USH2A: variants seen among roughly 807,000 people sequenced by gnomAD.
The protein encoded by USH2A is usherin, also known as Usher syndrome 2A (autosomal recessive, mild).
In USH2A, 443 loss-of-function variants were observed where a neutral mutation model predicts 538.9. The observed-to-expected ratio is 0.82, with a 90% CI of 0.76 to 0.89. The LOEUF (loss-of-function observed/expected upper bound fraction) is 0.89. Among genes scored for constraint, USH2A ranks in the 40% least tolerant of loss-of-function variants. USH2A has a pLI of 0.00. For missense variants in USH2A, 6,633 were observed against 6,324.8 expected (o/e 1.05, Z -1.65); for synonymous variants, 2,413 against 2,273.5 (o/e 1.06, Z -1.75).
At chr1:215,647,820 C>T (rs1316668200) in intron 66 of USH2A, 90 bp from the exon 67 acceptor site, 41 of 1,483,662 alleles carry the variant, frequency 2.8e-5, no homozygotes, top group Non-Finnish European at 3.6e-5. Flanking sequence ...TGTGAGGAGA[C>T]ATTTTGTTTT....
chr1:216,048,494 G>T lies in USH2A; in HGVS notation c.6163+40C>A, dbSNP rs374532580. ...GCTCTTCTCCTATTTTATTATTCATGACTGAAATGTGGAAGTCAAGACCTT... is the reference window on the plus strand; with the variant it reads ...GCTCTTCTCCTATTTTATTATTCATTACTGAAATGTGGAAGTCAAGACCTT... On this transcript the variant is annotated intron_variant, in intron 31 of 71. Transcript: ENST00000307340. 8 of 1,571,878 alleles carry T rather than the reference G, an allele frequency of 5.1e-6. No individual in the cohort carries two copies. In the African/African-American group the frequency reaches 9.4e-5, roughly 19 times the overall value.
At chr1:215,875,905 TATAA>T (rs1288022392) in intron 43 of USH2A, among the ~76,000 whole-genome samples, 8 of 143,512 alleles carry the variant, frequency 5.6e-5, no homozygotes, top group Admixed American at 1.5e-4. Context: ...ATAATCAATA[TATAA>T]ATATATAATA....
At chr1:215,663,278 T>C (rs995134957) in intron 64 of USH2A, among the ~76,000 whole-genome samples, 1 of 152,212 alleles carries the variant, frequency 6.6e-6, no homozygotes, top group African/African-American at 2.4e-5. Context: ...GATGGGGGCA[T>C]GGACCTACTA....
At chr1:216,382,738 A>G (rs960134117) in intron 3 of USH2A, among the ~76,000 whole-genome samples, 1 of 152,132 alleles carries the variant, frequency 6.6e-6, no homozygotes, top group Non-Finnish European at 1.5e-5. Flanking sequence ...AGACCCAAAT[A>G]AAGAGTCTGA....
intron 34 of USH2A, 39 bp from the exon 35 acceptor site, chr1:215,993,206 C>T (rs1668047512): frequency 1.2e-6 from 2 of 1,613,602 alleles, no homozygotes; most frequent in Admixed American, 3.3e-5. Flanking sequence ...CACTCTTGGT[C>T]CCAAAAGTTT....
intron 11 of USH2A, among the ~76,000 whole-genome samples, chr1:216,265,244 C>T (rs753765436): frequency 8.1e-5 from 12 of 148,114 alleles, no homozygotes; most frequent in East Asian, 2.0e-4. Flanking sequence ...AACAAGTACA[C>T]GAAAAAATGC....
chr1:215,925,412 A>T (rs1456348272), intron 38 of USH2A, among the ~76,000 whole-genome samples: 1 of 152,200 alleles, frequency 6.6e-6, no homozygotes, highest in Admixed American at 6.5e-5. Context: ...AAATAGCAGC[A>T]CATTTGGAAG....
chr1:215,720,947 G>A (rs918719019), intron 61 of USH2A, among the ~76,000 whole-genome samples: 2 of 152,104 alleles, frequency 1.3e-5, no homozygotes, highest in African/African-American at 2.4e-5. Context: ...TTCTTTTCAT[G>A]CCATGATCCT....
At chr1:215,981,683 C>T (rs771798064) in intron 35 of USH2A, among the ~76,000 whole-genome samples, 2 of 152,108 alleles carry the variant, frequency 1.3e-5, no homozygotes, top group Admixed American at 6.5e-5. Flanking sequence ...AAATGAGAAT[C>T]CATTTGAGGA....
intron 60 of USH2A, among the ~76,000 whole-genome samples, chr1:215,731,242 T>G (rs1659986343): frequency 6.6e-6 from 1 of 152,170 alleles, no homozygotes; most frequent in South Asian, 2.1e-4. Flanking sequence ...ACCAAAAGAA[T>G]TAAAAGGTGC....
Position 215,845,838 on chromosome 1 carries a change from G to T in USH2A, c.9041C>A (p.Thr3014Asn), listed in dbSNP as rs144892841. 46 of 1,613,668 alleles carry T rather than the reference G, an allele frequency of 2.9e-5. No homozygotes were observed. The East Asian group carries it at 9.8e-4, about 34-fold the overall frequency. Residue 3014 changes from threonine (T) to asparagine (N), a missense_variant, in exon 45 of 72, where the codon ACC becomes AAC. Transcript: ENST00000307340. ...HSINSAGLHA[T>N]TCDGEPQGML... The stretch of plus-strand genomic sequence containing the variant: ...TCTGGACTCACCCCCATCGCAAGTG[G>T]TTGCATGAAGTCCTGCACTGTTGAT...
At chr1:215,892,178 A>C (rs1665226223) in intron 40 of USH2A, among the ~76,000 whole-genome samples, 1 of 152,164 alleles carries the variant, frequency 6.6e-6, no homozygotes, top group Non-Finnish European at 1.5e-5. Flanking sequence ...CATGTGTATG[A>C]ATACCCAGTT....
intron 67 of USH2A, 82 bp downstream of exon 67, chr1:215,647,440 T>C: frequency 6.4e-7 from 1 of 1,551,370 alleles, no homozygotes; most frequent in South Asian, 1.1e-5. Context: ...TTTTTAAAAG[T>C]GGCTTCTCCG....
intron 61 of USH2A, among the ~76,000 whole-genome samples, chr1:215,712,290 C>T (rs1659358696): frequency 6.6e-6 from 1 of 152,214 alleles, no homozygotes. Context: ...AGGATGATAG[C>T]ATAGGTCCTG....
intron 3 of USH2A, among the ~76,000 whole-genome samples, chr1:216,366,993 C>T (rs1025236120): frequency 1.3e-5 from 2 of 152,106 alleles, no homozygotes; most frequent in African/African-American, 2.4e-5. Flanking sequence ...CTTTGCACAA[C>T]ATGCAGGCAC....
chr1:216,321,844 A>ATT, intron 9 of USH2A, 39 bp downstream of exon 9: 4 of 1,400,450 alleles, frequency 2.9e-6, no homozygotes, highest in Non-Finnish European at 4.0e-6. Context: ...CATCTCTACT[A>ATT]TTTTTTTTTT....
In USH2A at chr1:215,960,782, C is replaced by T. The variant is rs190713721; in HGVS notation, c.7120+4535G>A. Among the ~76,000 whole-genome samples the T allele has an allele frequency of 4.6e-5, 7 of 152,134 alleles. No homozygotes were observed. The East Asian group carries it at 1.4e-3, about 29-fold the overall frequency. The stretch of plus-strand genomic sequence containing the variant: ...GTGTTTGTGCTCTCTCCGTCATTCT[C>T]TTTAGTTTTTCCATATTCAGTTTAT... On this transcript the variant is annotated intron_variant, in intron 37 of 71. Transcript: ENST00000307340.
At chr1:216,111,140 C>G (rs951929001) in intron 21 of USH2A, among the ~76,000 whole-genome samples, 3 of 152,146 alleles carry the variant, frequency 2.0e-5, no homozygotes, top group South Asian at 2.1e-4. Context: ...AAGGTAAACA[C>G]TTGAATCCTG....
rs186015334 is a variant in USH2A, at chr1:215,931,448, A to G, written c.7300+3168T>C. ...AGAAAAGTAACCACTATAGGGAAGA[A>G]TAAAAGAATGAAGAGTTGGCATAAC... On this transcript the variant is annotated intron_variant, in intron 38 of 71. Coordinates refer to ENST00000307340, the MANE Select transcript of USH2A (RefSeq NM_206933.4). Among the ~76,000 whole-genome samples, 6 of 152,102 alleles carry G rather than the reference A, an allele frequency of 3.9e-5. No individual in the cohort carries two copies. The East Asian group carries it at 1.2e-3, about 29-fold the overall frequency.
Sources: allele counts gnomAD v4.1 joint callset (sites outside exome capture counted in the v4.1 genomes callset), GRCh38; gene constraint gnomAD v4.1.1; transcripts MANE v1.5; gene names NCBI Gene and HGNC (gene_info 2026-07-23, HGNC 2026-07-21).